The following INTS2 variants were observed in gnomAD, a reference collection of about 807,000 sequenced individuals.
INTS2 encodes the protein integrator complex subunit 2.
A neutral mutation model predicts 139.6 loss-of-function variants in INTS2; 57 were observed. That is an observed-to-expected ratio of 0.41 (90% CI 0.33 to 0.51). The LOEUF is 0.51. INTS2 is among the 20% of genes least tolerant of loss of function. INTS2 has a pLI of 0.28. For missense variants in INTS2, 1,196 were observed against 1,436.7 expected (o/e 0.83, Z 2.71); for synonymous variants, 473 against 493.4 (o/e 0.96, Z 0.55).
intron 18 of INTS2, among the ~76,000 whole-genome samples, chr17:61,877,635 CTA>C (rs923853897): frequency 6.6e-6 from 1 of 152,148 alleles, no homozygotes; most frequent in Non-Finnish European, 1.5e-5. Flanking sequence ...CCACAAATAA[CTA>C]TACATGATAA....
At position 61,876,308 on chromosome 17, in the gene INTS2, G is replaced by A. The variant is rs1273507530; in HGVS notation, c.2457-1270C>T. ...CACTCTCTTTCTCAGGAAGCGAGAT[G>A]AGTGTGTGTTCCATTCACTAAAACG... On this transcript the variant is annotated intron_variant, in intron 18 of 24. Transcript: ENST00000251334. This position sits in a 1 kb window ranked among gnomAD's most constrained non-coding sequence, Gnocchi z 4.1. Among the ~76,000 whole-genome samples the A allele has an allele frequency of 6.6e-6, 1 of 152,202 alleles. No individual in the cohort carries two copies. The highest frequency in any genetic ancestry group is 6.5e-5 in the Admixed American group (1 of 15,278).
At chr17:61,911,469 CA>C (rs2079525556) in intron 7 of INTS2, 50 bp downstream of exon 7, 51 of 1,457,826 alleles carry the variant, frequency 3.5e-5, no homozygotes, top group Middle Eastern at 1.8e-4. Context: ...TCTCTTTTAG[CA>C]GCTGCTAAAG....
Position 61,872,736 on chromosome 17 carries a change from A to G in INTS2, c.2583-276T>C, listed in dbSNP as rs1215677629. Among the ~76,000 whole-genome samples, 1 of 152,222 alleles carries G rather than the reference A, an allele frequency of 6.6e-6. No homozygotes were observed. The highest frequency in any genetic ancestry group is 2.4e-5 in the African/African-American group (1 of 41,458). ...AAGAAAAGATGACCGGGTGCGGGCA[A>G]AACAATATTGCATGAAGAAAAACTG... On this transcript the variant is annotated intron_variant, in intron 19 of 24. Transcript: ENST00000251334. This position sits in a 1 kb window ranked among gnomAD's most constrained non-coding sequence, Gnocchi z 4.8.
intron 13 of INTS2, among the ~76,000 whole-genome samples, chr17:61,891,982 T>C (rs2079299707): frequency 6.6e-6 from 1 of 152,180 alleles, no homozygotes; most frequent in Admixed American, 6.6e-5. Flanking sequence ...CATATCTGTA[T>C]TTAGAGCACC....
At chr17:61,886,540 A>G (rs1292974909) in intron 15 of INTS2, among the ~76,000 whole-genome samples, 1 of 152,176 alleles carries the variant, frequency 6.6e-6, no homozygotes, top group Non-Finnish European at 1.5e-5. Flanking sequence ...AATTTAATCC[A>G]TCCTTCAACC....
intron 15 of INTS2, among the ~76,000 whole-genome samples, chr17:61,887,292 CA>C (rs2079238389): frequency 6.6e-6 from 1 of 151,646 alleles, no homozygotes; most frequent in Non-Finnish European, 1.5e-5. Flanking sequence ...AGACCAGCCT[CA>C]CCAACATGGT....
In INTS2 at chr17:61,867,351, A is replaced by G; in HGVS notation, c.*206T>C. 2.7e-6 allele frequency: 1 copy of G among 366,164 alleles called. No homozygotes were observed. Among genetic ancestry groups the G allele is most frequent in the South Asian group, 1.0e-4 (1 of 9,952 alleles). The allele number at this position is 366,164 out of a possible 1,614,324, so 22.7% of individuals were successfully genotyped here. On this transcript the variant is annotated 3_prime_UTR_variant, in exon 25 of 25. Coordinates refer to ENST00000251334, the MANE Select transcript of INTS2 (RefSeq NM_001351695.2). This position sits in a 1 kb window ranked among gnomAD's most constrained non-coding sequence, Gnocchi z 5.6. ...TCAGCTGCTACAATAGAAACATATC[A>G]GCAAAGTAGATCCAAAGATGTGCCA...
intron 5 of INTS2, among the ~76,000 whole-genome samples, chr17:61,915,670 A>T (rs1402565753): frequency 2.0e-5 from 3 of 149,616 alleles, no homozygotes; most frequent in African/African-American, 7.3e-5. Context: ...AAAAAAAAAA[A>T]AATACAAAAA....
chr17:61,889,918 C>A, intron 14 of INTS2, 24 bp from the exon 15 acceptor site: 2 of 1,367,562 alleles, frequency 1.5e-6, no homozygotes, highest in South Asian at 2.5e-5. Context: ...TACAAATACT[C>A]TGAAATACTC....
chr17:61,901,398 A>G (rs2143042138), intron 9 of INTS2, among the ~76,000 whole-genome samples: 1 of 151,640 alleles, frequency 6.6e-6, no homozygotes, highest in Non-Finnish European at 1.5e-5. Flanking sequence ...GAAGCAATAC[A>G]AATAATAAAA....
Position 61,871,859 on chromosome 17 carries a change from G to A in INTS2, c.2778+406C>T, listed in dbSNP as rs1054289961. Among the ~76,000 whole-genome samples, 4 of 152,152 alleles carry A rather than the reference G, an allele frequency of 2.6e-5. No individual in the cohort carries two copies. The highest frequency in any genetic ancestry group is 5.9e-5 in the Non-Finnish European group (4 of 67,994). ...TGAGGCAGGAGAACTGCTTGAACCCGGGAGGCGGATGTTGCCATGAGCCAA... is the reference window on the plus strand; with the variant it reads ...TGAGGCAGGAGAACTGCTTGAACCCAGGAGGCGGATGTTGCCATGAGCCAA... On this transcript the variant is annotated intron_variant, in intron 20 of 24. Coordinates refer to ENST00000251334, the MANE Select transcript of INTS2 (RefSeq NM_001351695.2). The surrounding 1 kb of genome is among the most constrained non-coding windows in gnomAD (Gnocchi z 4.9).
intron 3 of INTS2, among the ~76,000 whole-genome samples, chr17:61,922,447 G>T (rs1312931176): frequency 8.7e-5 from 10 of 114,812 alleles, no homozygotes; most frequent in Non-Finnish European, 1.7e-4. Flanking sequence ...CACACTGGGA[G>T]ACAGAATGAG....
At chr17:61,895,643 T>A (rs1285392317) in intron 11 of INTS2, among the ~76,000 whole-genome samples, 1 of 152,154 alleles carries the variant, frequency 6.6e-6, no homozygotes, top group East Asian at 1.9e-4. Context: ...TACATGGAGC[T>A]AGGATAGCTG....
chr17:61,889,467 GA>G (rs1050319955), intron 15 of INTS2, among the ~76,000 whole-genome samples: 1 of 152,020 alleles, frequency 6.6e-6, no homozygotes, highest in Non-Finnish European at 1.5e-5. Flanking sequence ...CAAATCAAGA[GA>G]AAAAAATTCA....
chr17:61,907,377 CA>C, intron 8 of INTS2, 30 bp downstream of exon 8: 1 of 1,518,598 alleles, frequency 6.6e-7, no homozygotes, highest in Non-Finnish European at 9.0e-7. Context: ...GGTAAAATGA[CA>C]AAAAGGTAAA....
intron 7 of INTS2, chr17:61,910,378 C>G (rs927077666): frequency 2.0e-5 from 3 of 152,130 alleles, no homozygotes; most frequent in African/African-American, 7.2e-5. Flanking sequence ...GGTGGATCAC[C>G]TGATGTCAAG....
chr17:61,884,215 G>T (rs1003804191), intron 16 of INTS2, among the ~76,000 whole-genome samples: 3 of 152,146 alleles, frequency 2.0e-5, no homozygotes, highest in African/African-American at 7.2e-5. Flanking sequence ...GGGAGGCCGG[G>T]CATGGTGGCT....
At chr17:61,877,714 T>A (rs367989564) in intron 18 of INTS2, among the ~76,000 whole-genome samples, 173 bp downstream of exon 18, 1 of 152,360 alleles carries the variant, frequency 6.6e-6, no homozygotes, top group African/African-American at 2.4e-5. Flanking sequence ...AAGTTTGCTT[T>A]ACTTAAAGAT....
rs779526014 is a variant in INTS2, at chr17:61,897,518, T to C, written c.1445A>G (p.Asn482Ser). The C allele has an allele frequency of 1.4e-5, 22 of 1,604,868 alleles. No homozygotes were observed. Among genetic ancestry groups the C allele is most frequent in the East Asian group, 9.0e-5 (4 of 44,692 alleles). Residue 482 changes from asparagine (N) to serine (S), a missense_variant, in exon 11 of 25, where the codon AAC (asparagine) becomes AGC (serine). Physicochemically the swap from Asn to Ser is conservative, Grantham distance 46 (BLOSUM62 1). Transcript: ENST00000251334. The surrounding 1 kb of genome is among the most constrained non-coding windows in gnomAD (Gnocchi z 4.4). ...LLLVAMYFHS[N>S]QLSAIIDLVC... ...CAAGTCAATGATAGCACTAAGCTGG[T>C]TGCTGTGAAAGTACATAGCCACCAA...
Sources: allele counts gnomAD v4.1 joint callset (sites outside exome capture counted in the v4.1 genomes callset), GRCh38; gene constraint gnomAD v4.1.1; non-coding constraint Gnocchi (gnomAD v3.1); transcripts MANE v1.5; gene names NCBI Gene and HGNC (gene_info 2026-07-23, HGNC 2026-07-21).